The following ANKS1A variants were observed in gnomAD, a reference collection of about 807,000 sequenced individuals.
The protein encoded by ANKS1A is ankyrin repeat and sterile alpha motif domain containing 1A, also known as ankyrin repeat and SAM domain-containing protein 1A.
A neutral mutation model predicts 120.3 loss-of-function variants in ANKS1A; 55 were observed. The observed-to-expected ratio is 0.46, with a 90% CI of 0.37 to 0.57. The LOEUF (loss-of-function observed/expected upper bound fraction) is 0.57. Among genes scored for constraint, ANKS1A ranks in the 20% least tolerant of loss-of-function variants. The pLI is 0.00. For missense variants in ANKS1A, 1,123 were observed against 1,480.3 expected, an observed-to-expected ratio of 0.76 and a Z score of 3.96; for synonymous variants, 590 against 604.7, an observed-to-expected ratio of 0.98 and a Z score of 0.36.
intron 1 of ANKS1A, among the ~76,000 whole-genome samples, chr6:34,956,256 GT>G (rs1770354149): frequency 6.6e-6 from 1 of 150,664 alleles, no homozygotes; most frequent in Admixed American, 6.6e-5. Flanking sequence ...TGCTTTTTTT[GT>G]TTTTTAATCC....
chr6:35,043,535 C>T (rs905752018), intron 11 of ANKS1A, among the ~76,000 whole-genome samples: 64 of 152,248 alleles, frequency 4.2e-4, no homozygotes, highest in African/African-American at 1.5e-3. Flanking sequence ...GCAGTCATAG[C>T]GGCTATCTTG....
At chr6:35,093,199 C>T (rs551086800), downstream of ANKS1A, among the ~76,000 whole-genome samples, 142 of 152,210 alleles carry the variant, frequency 9.3e-4, 1 homozygote, top group African/African-American at 3.3e-3. Flanking sequence ...GTTAGGAACA[C>T]TATTATAAAC....
chr6:34,915,290 C>T (rs1334424364), intron 1 of ANKS1A, among the ~76,000 whole-genome samples: 2 of 152,158 alleles, frequency 1.3e-5, no homozygotes, highest in African/African-American at 4.8e-5. Flanking sequence ...TGAAGGAGTC[C>T]CCGTAATTAG....
At chr6:35,092,923 G>C (rs1360547883), downstream of ANKS1A, among the ~76,000 whole-genome samples, 1 of 152,180 alleles carries the variant, frequency 6.6e-6, no homozygotes, top group African/African-American at 2.4e-5. Flanking sequence ...AGGCCACGGA[G>C]GAGGAACTTT....
intron 1 of ANKS1A, among the ~76,000 whole-genome samples, chr6:34,913,170 A>G (rs1461169055): frequency 2.0e-5 from 3 of 152,212 alleles, no homozygotes; most frequent in Non-Finnish European, 4.4e-5. Context: ...ACCCTGTAAA[A>G]TTGAAAAAGG....
chr6:35,053,609 GTC>G (rs1459423400), intron 11 of ANKS1A, among the ~76,000 whole-genome samples: 2 of 152,196 alleles, frequency 1.3e-5, no homozygotes, highest in African/African-American at 4.8e-5. Flanking sequence ...AGAGCTTGTG[GTC>G]ATACAGTATC....
chr6:34,985,798 C>CA (rs558622198), intron 8 of ANKS1A, among the ~76,000 whole-genome samples: 2 of 152,184 alleles, frequency 1.3e-5, no homozygotes, highest in Non-Finnish European at 2.9e-5. Context: ...TAGTATGTGG[C>CA]ATTCCTATTT....
intron 12 of ANKS1A, 40 bp downstream of exon 12, chr6:35,054,205 A>C (rs374407746): frequency 5.6e-6 from 9 of 1,593,122 alleles, no homozygotes; most frequent in African/African-American, 5.4e-5. Flanking sequence ...AGAAACTGGC[A>C]GTCTGGCTCT....
intron 1 of ANKS1A, among the ~76,000 whole-genome samples, chr6:34,920,192 TTAGAG>T (rs1487523895): frequency 3.3e-5 from 5 of 152,040 alleles, no homozygotes; most frequent in Non-Finnish European, 7.4e-5. Flanking sequence ...CATCTTCTCA[TTAGAG>T]TAGTTTTTTT....
chr6:35,087,839 C>T (rs954729460), intron 23 of ANKS1A, among the ~76,000 whole-genome samples: 4 of 152,234 alleles, frequency 2.6e-5, no homozygotes, highest in African/African-American at 9.7e-5. Flanking sequence ...ATGGGCCTTC[C>T]CCTCCAAGGA....
chr6:35,021,352 G>A (rs1437937746), intron 11 of ANKS1A, among the ~76,000 whole-genome samples: 1 of 152,162 alleles, frequency 6.6e-6, no homozygotes, highest in African/African-American at 2.4e-5. Context: ...GAAGGCTGTC[G>A]GGTGGGAGCC....
At chr6:35,054,205 AGTCTGGCTCTTTTCTGG>A in intron 12 of ANKS1A, 40 bp downstream of exon 12, 2 of 1,593,118 alleles carry the variant, frequency 1.3e-6, no homozygotes, top group South Asian at 2.2e-5. Context: ...AGAAACTGGC[AGTCTGGCTCTTTTCTGG>A]CTCAGGCTTT....
intron 13 of ANKS1A, among the ~76,000 whole-genome samples, chr6:35,065,057 C>T (rs1561950386): frequency 1.3e-5 from 2 of 152,154 alleles, no homozygotes; most frequent in African/African-American, 2.4e-5. Context: ...TGTAATTCCT[C>T]GCTATCCCAG....
rs1390064420 is a variant in ANKS1A, at chr6:35,058,755, A to G, written c.2078-1392A>G. 1 of 151,450 alleles carries G rather than the reference A, an allele frequency of 6.6e-6. No individual in the cohort carries two copies. Among genetic ancestry groups the G allele is most frequent in the Non-Finnish European group, 1.5e-5 (1 of 67,920 alleles). 9.4% of individuals were successfully genotyped at this position (151,450 alleles called of 1,614,324 possible). On this transcript the variant is annotated intron_variant, in intron 12 of 23. Coordinates refer to ENST00000360359, the MANE Select transcript of ANKS1A (RefSeq NM_015245.3). The surrounding 1 kb of genome is among the most constrained non-coding windows in gnomAD (Gnocchi z 5.1). ...TCCTTTTCACTTTTTTCTTTCTTTCATCTGTTCTTGCCCACAAGAATCAGA... is the reference window on the plus strand; with the variant it reads ...TCCTTTTCACTTTTTTCTTTCTTTCGTCTGTTCTTGCCCACAAGAATCAGA...
chr6:35,001,773 A>C (rs1453958628), intron 10 of ANKS1A, among the ~76,000 whole-genome samples: 1 of 152,182 alleles, frequency 6.6e-6, no homozygotes, highest in Non-Finnish European at 1.5e-5. Flanking sequence ...CTAGAGTGGC[A>C]CTTGTGCTTT....
At chr6:35,054,288 G>A in intron 12 of ANKS1A, 123 bp downstream of exon 12, 2 of 822,396 alleles carry the variant, frequency 2.4e-6, no homozygotes, top group African/African-American at 1.7e-5. Context: ...TTCAGACCAC[G>A]TCATGCTCCT....
chr6:35,017,854 G>C lies in ANKS1A; in HGVS notation c.1805G>C (p.Gly602Ala). Residue 602 changes from glycine to alanine, a missense_variant, in exon 11 of 24, where the codon GGG becomes GCG. Coordinates refer to ENST00000360359, the MANE Select transcript of ANKS1A (RefSeq NM_015245.3). ...GGTGCTGAGGAAGGAGACCGGAGTGGGGCCAGGAGCCGAGCGCCTCCCACT... is the reference window on the plus strand; with the variant it reads ...GGTGCTGAGGAAGGAGACCGGAGTGCGGCCAGGAGCCGAGCGCCTCCCACT... Reference protein sequence around the residue: ...PGGAEEGDRSGARSRAPPTSK... With the variant: ...PGGAEEGDRSAARSRAPPTSK... The C allele has an allele frequency of 6.2e-7, 1 of 1,614,170 alleles. No homozygotes were observed. The highest frequency in any genetic ancestry group is 8.5e-7 in the Non-Finnish European group (1 of 1,180,012).
At chr6:34,914,205 G>A (rs1053394385) in intron 1 of ANKS1A, among the ~76,000 whole-genome samples, 2 of 152,216 alleles carry the variant, frequency 1.3e-5, no homozygotes, top group Non-Finnish European at 2.9e-5. Flanking sequence ...ACAGGTGTGA[G>A]CCACCTTACC....
chr6:34,897,042 G>A (rs756933334), intron 1 of ANKS1A, among the ~76,000 whole-genome samples: 15 of 152,202 alleles, frequency 9.9e-5, no homozygotes, highest in Non-Finnish European at 1.6e-4. Context: ...AGGCAGAGAC[G>A]CAAAGGTGGG....
Sources: gnomAD v4.1 joint callset for allele counts (sites outside exome capture counted in the v4.1 genomes callset) on GRCh38, gnomAD v4.1.1 for gene constraint, Gnocchi (gnomAD v3.1) non-coding constraint, MANE v1.5 for transcripts, NCBI Gene and HGNC (gene_info 2026-07-23, HGNC 2026-07-21) for gene names.